ABL1: variants seen among roughly 807,000 people sequenced by gnomAD.
ABL1 encodes ABL proto-oncogene 1, non-receptor tyrosine kinase, also known as tyrosine-protein kinase ABL1.
ABL1 carries 11 observed loss-of-function variants against 94.7 expected under a neutral mutation model. That is an observed-to-expected ratio of 0.12 (90% confidence interval 0.07 to 0.19). The LOEUF (loss-of-function observed/expected upper bound fraction) is 0.19, where lower values mean the gene tolerates loss of function less well. ABL1 is among the 10% of genes least tolerant of loss of function. The pLI, the probability that ABL1 is intolerant of heterozygous loss-of-function variation, is 1.00. For synonymous variants in ABL1, 656 were observed against 622.4 expected (o/e 1.05, Z -0.80); for missense variants, 1,082 against 1,489.4 (o/e 0.73, Z 4.50).
intron 1 of ABL1, among the ~76,000 whole-genome samples, chr9:130,734,303 TC>T (rs1329162587): frequency 6.6e-6 from 1 of 150,816 alleles, no homozygotes; most frequent in Non-Finnish European, 1.5e-5. Context: ...CAGCTCTGTC[TC>T]CTGGGTTCAT....
At chr9:130,827,589 G>A (rs1830441514) in intron 1 of ABL1, among the ~76,000 whole-genome samples, 2 of 152,048 alleles carry the variant, frequency 1.3e-5, no homozygotes, top group South Asian at 2.1e-4. Flanking sequence ...AGTCAACAGA[G>A]GAAGAGTTTA....
chr9:130,846,831 TA>T (rs1276228386), intron 1 of ABL1, among the ~76,000 whole-genome samples: 1 of 152,248 alleles, frequency 6.6e-6, no homozygotes, highest in Non-Finnish European at 1.5e-5. Context: ...GAATCTTTTG[TA>T]AACATTTTTC....
intron 1 of ABL1, among the ~76,000 whole-genome samples, chr9:130,735,961 A>T (rs11794340): frequency 0.35 from 33,352 of 95,106 alleles, 5,679 homozygotes; most frequent in Middle Eastern, 0.5. Context: ...ATATATATAT[A>T]TTTTTTTTTT....
At chr9:130,826,086 A>G (rs573073891) in intron 1 of ABL1, among the ~76,000 whole-genome samples, 21 of 152,310 alleles carry the variant, frequency 1.4e-4, no homozygotes, top group East Asian at 5.8e-4. Flanking sequence ...TATATAACCT[A>G]TCTGTGTCAC....
At position 130,878,631 on chromosome 9, in the gene ABL1, G is replaced by A. The variant is rs1477456533; in HGVS notation, c.1423+64G>A. 5 of 1,576,190 alleles carry A rather than the reference G, an allele frequency of 3.2e-6. No individual in the cohort carries two copies. In the African/African-American group the frequency reaches 4.1e-5, roughly 13 times the overall value. ...GCATTCCAGGAAATTCAACTGTGCA[G>A]GAGTGTGTACACAAAGTTGAAAGTT... On this transcript the variant is annotated intron_variant, in intron 8 of 10. Coordinates refer to ENST00000318560, the MANE Select transcript of ABL1 (RefSeq NM_005157.6).
chr9:130,855,136 CA>C, intron 3 of ABL1, 40 bp downstream of exon 3: 4 of 1,565,532 alleles, frequency 2.6e-6, no homozygotes, highest in Non-Finnish European at 3.5e-6. Flanking sequence ...GGGCCCAGGG[CA>C]GGGGAACCAG....
At chr9:130,774,907 A>T (rs986791313) in intron 1 of ABL1, among the ~76,000 whole-genome samples, 2 of 152,218 alleles carry the variant, frequency 1.3e-5, no homozygotes, top group South Asian at 4.1e-4. Context: ...TGAGGAAGGA[A>T]AGAAAGGAAA....
chr9:130,846,714 G>C (rs1034932397), intron 1 of ABL1, among the ~76,000 whole-genome samples: 2 of 152,250 alleles, frequency 1.3e-5, no homozygotes, highest in African/African-American at 4.8e-5. Flanking sequence ...GGGCTGTGAA[G>C]TAGCCGGTAC....
chr9:130,807,270 A>T (rs1009694425), intron 1 of ABL1, among the ~76,000 whole-genome samples: 2 of 152,148 alleles, frequency 1.3e-5, no homozygotes, highest in Non-Finnish European at 2.9e-5. Context: ...TTGTTTTGAC[A>T]TGCAGTCTCA....
chr9:130,873,510 C>CT (rs1022710972), intron 6 of ABL1, among the ~76,000 whole-genome samples: 2 of 152,138 alleles, frequency 1.3e-5, no homozygotes, highest in Non-Finnish European at 2.9e-5. Flanking sequence ...GTGTGTGTGT[C>CT]TTTTTTTCCT....
chr9:130,778,504 G>A (rs577671114), intron 1 of ABL1, among the ~76,000 whole-genome samples: 3 of 152,246 alleles, frequency 2.0e-5, no homozygotes, highest in African/African-American at 7.2e-5. Flanking sequence ...ATATACAGAC[G>A]TATGATCCCT....
At chr9:130,782,218 C>T (rs1829765682) in intron 1 of ABL1, among the ~76,000 whole-genome samples, 1 of 152,044 alleles carries the variant, frequency 6.6e-6, no homozygotes, top group African/African-American at 2.4e-5. Flanking sequence ...GCCACCATGC[C>T]TGGCCAATTT....
intron 4 of ABL1, among the ~76,000 whole-genome samples, chr9:130,868,464 TGAAAGCCTGCTACAC>T (rs1304911029): frequency 6.6e-6 from 1 of 151,856 alleles, no homozygotes; most frequent in Non-Finnish European, 1.5e-5. Context: ...AGCGAGACAT[TGAAAGCCTGCTACAC>T]AGAAACTGCT....
chr9:130,839,138 G>C (rs1717565081), intron 1 of ABL1, among the ~76,000 whole-genome samples: 1 of 150,900 alleles, frequency 6.6e-6, no homozygotes, highest in Non-Finnish European at 1.5e-5. Context: ...CCCGGGCCAA[G>C]CCAGTGTTGA....
chr9:130,757,179 A>G (rs992183588), intron 1 of ABL1, among the ~76,000 whole-genome samples: 1 of 152,212 alleles, frequency 6.6e-6, no homozygotes, highest in Non-Finnish European at 1.5e-5. Context: ...CTCTAAGATC[A>G]GCAGCATCAG....
intron 1 of ABL1, among the ~76,000 whole-genome samples, chr9:130,805,534 T>C (rs1830114744): frequency 6.6e-6 from 1 of 152,148 alleles, no homozygotes. Context: ...TTGTTTATGA[T>C]TGATTGATCT....
At chr9:130,830,627 T>C (rs1830483520), upstream of ABL1, among the ~76,000 whole-genome samples, 1 of 152,228 alleles carries the variant, frequency 6.6e-6, no homozygotes, top group South Asian at 2.1e-4. Flanking sequence ...AGCTCTTGAC[T>C]GAGTCCCAGT....
At chr9:130,883,003 A>G (rs1449112434) in intron 10 of ABL1, among the ~76,000 whole-genome samples, 2 of 151,806 alleles carry the variant, frequency 1.3e-5, no homozygotes, top group East Asian at 3.9e-4. Flanking sequence ...CCCCCACCCC[A>G]TGCTCCCCAG....
intron 1 of ABL1, among the ~76,000 whole-genome samples, chr9:130,767,968 G>A (rs1240385412): frequency 6.6e-6 from 1 of 152,138 alleles, no homozygotes; most frequent in Non-Finnish European, 1.5e-5. Context: ...AAAATGAAGT[G>A]GAACCTATGG....
Sources: allele counts gnomAD v4.1 joint callset (sites outside exome capture counted in the v4.1 genomes callset), GRCh38; gene constraint gnomAD v4.1.1; transcripts MANE v1.5; gene names NCBI Gene and HGNC (gene_info 2026-07-23, HGNC 2026-07-21).